Variants in MGAT4C observed in about 807,000 individuals in gnomAD.
The protein encoded by MGAT4C is alpha-1,3-mannosyl-glycoprotein 4-beta-N-acetylglucosaminyltransferase C.
MGAT4C carries 19 observed loss-of-function variants against 40.1 expected under a neutral mutation model. The observed-to-expected ratio is 0.47, with a 90% CI of 0.33 to 0.70. The LOEUF (loss-of-function observed/expected upper bound fraction) is 0.70. Among genes scored for constraint, MGAT4C ranks in the 30% least tolerant of loss-of-function variants. The probability of loss-of-function intolerance (pLI) is 0.02; values close to 1 mark genes in which losing one functional copy is unlikely to be tolerated. For missense variants in MGAT4C, 491 were observed against 563.2 expected (o/e 0.87, Z 1.30); for synonymous variants, 181 against 187.1 (o/e 0.97, Z 0.27).
chr12:85,970,312 T>C lies in MGAT4C; in HGVS notation c.*8977A>G, dbSNP rs150913416. 46 of 151,474 alleles carry C rather than the reference T, an allele frequency of 3.0e-4. No homozygotes were observed. Among genetic ancestry groups the C allele is most frequent in the African/African-American group, 1.0e-3 (42 of 41,498 alleles). 9.4% of individuals were successfully genotyped at this position (151,474 alleles called of 1,614,324 possible). A position where few individuals can be genotyped will look rare whatever the true frequency, so the allele number is the denominator to read the frequency against. ...AGTCTAGTAGATTGACAGGCAGTTT[T>C]ATTAAGAAATGAATCAAATGGTAAA... On this transcript the variant is annotated 3_prime_UTR_variant, in exon 5 of 5. Transcript: ENST00000611864.
chr12:86,680,095 A>C (rs1354135560), intron 2 of MGAT4C, among the ~76,000 whole-genome samples: 1 of 152,010 alleles, frequency 6.6e-6, no homozygotes, highest in African/African-American at 2.4e-5. Context: ...CCTAAAACAT[A>C]GTCTCCAATA....
At position 86,699,546 on chromosome 12, in the gene MGAT4C, T is replaced by C. The variant is rs1465209374; in HGVS notation, c.-229+27663A>G. Among the ~76,000 whole-genome samples the C allele has an allele frequency of 2.6e-5, 4 of 152,006 alleles. No homozygotes were observed. The East Asian group carries it at 7.7e-4, about 29-fold the overall frequency. ...GTTTGTGTGTGCACGCGCATGAGAT[T>C]GACCCTTGAACAACATGGGGGTAGG... On this transcript the variant is annotated intron_variant, in intron 2 of 7. Transcript: ENST00000548651.
At position 86,795,772 on chromosome 12, in the gene MGAT4C, A is replaced by G. The variant is rs563600662; in HGVS notation, c.-262+42894T>C. The stretch of plus-strand genomic sequence containing the variant: ...AACCTGTTCCAGGAATTATTTGTCT[A>G]GAAAAATTTGATGCCTACTTGCTCT... On this transcript the variant is annotated intron_variant, in intron 1 of 7. Transcript: ENST00000548651. Among the ~76,000 whole-genome samples the G allele has an allele frequency of 1.5e-3, 225 of 152,126 alleles. 1 individual carries two copies. Among genetic ancestry groups the G allele is most frequent in the Middle Eastern group, 6.8e-3 (2 of 294 alleles).
intron 2 of MGAT4C, among the ~76,000 whole-genome samples, chr12:86,463,229 T>G (rs1957628414): frequency 6.6e-6 from 1 of 152,154 alleles, no homozygotes; most frequent in Non-Finnish European, 1.5e-5. Flanking sequence ...TTAAAGAATT[T>G]CTTTAAAAAA....
chr12:86,095,094 T>C (rs1331684699), intron 1 of MGAT4C, among the ~76,000 whole-genome samples: 2 of 152,148 alleles, frequency 1.3e-5, no homozygotes, highest in Non-Finnish European at 2.9e-5. Flanking sequence ...ATTTTCTAGA[T>C]TTACATACTG....
intron 1 of MGAT4C, among the ~76,000 whole-genome samples, chr12:86,785,675 T>C (rs1208295068): frequency 6.6e-6 from 1 of 151,830 alleles, no homozygotes; most frequent in African/African-American, 2.4e-5. Flanking sequence ...CATTTCAGTG[T>C]TTTGATGTTA....
At chr12:86,164,477 A>C (rs912598332) in intron 1 of MGAT4C, among the ~76,000 whole-genome samples, 4 of 152,340 alleles carry the variant, frequency 2.6e-5, no homozygotes, top group Admixed American at 2.6e-4. Flanking sequence ...GTTGAGCAAT[A>C]ACACGTACAT....
chr12:86,779,512 G>A (rs749637914), intron 1 of MGAT4C, among the ~76,000 whole-genome samples: 180 of 152,120 alleles, frequency 1.2e-3, no homozygotes, highest in Non-Finnish European at 2.2e-3. Flanking sequence ...GGAGGTGAGA[G>A]GGTTGCCTGA....
chr12:86,790,518 G>A (rs1404144469), intron 1 of MGAT4C, among the ~76,000 whole-genome samples: 1 of 152,020 alleles, frequency 6.6e-6, no homozygotes, highest in Non-Finnish European at 1.5e-5. Context: ...CTCAGGCTTT[G>A]CAAAAAATAG....
At chr12:86,766,452 A>C (rs1284942262) in intron 1 of MGAT4C, among the ~76,000 whole-genome samples, 1 of 152,124 alleles carries the variant, frequency 6.6e-6, no homozygotes, top group Non-Finnish European at 1.5e-5. Context: ...AACATTAGAA[A>C]GATCAACGAG....
intron 2 of MGAT4C, among the ~76,000 whole-genome samples, chr12:86,495,491 A>G (rs956322203): frequency 2.0e-5 from 3 of 152,120 alleles, no homozygotes; most frequent in African/African-American, 7.2e-5. Flanking sequence ...TGCCATTCAC[A>G]TCTGCATTAT....
chr12:86,607,288 A>T (rs538638064), intron 2 of MGAT4C, among the ~76,000 whole-genome samples: 4 of 152,216 alleles, frequency 2.6e-5, no homozygotes, highest in African/African-American at 7.2e-5. Context: ...TATTAATACT[A>T]ATATTTGACC....
At chr12:86,315,684 G>T (rs936339608) in intron 4 of MGAT4C, among the ~76,000 whole-genome samples, 3 of 151,966 alleles carry the variant, frequency 2.0e-5, no homozygotes, top group African/African-American at 7.2e-5. Flanking sequence ...CCAGCCTGGG[G>T]GACAGGGCGA....
At chr12:86,751,433 T>C (rs1951230093) in intron 1 of MGAT4C, among the ~76,000 whole-genome samples, 1 of 151,688 alleles carries the variant, frequency 6.6e-6, no homozygotes, top group Admixed American at 6.6e-5. Flanking sequence ...AGATGTAAAA[T>C]TAGAACAAAA....
intron 1 of MGAT4C, among the ~76,000 whole-genome samples, chr12:86,767,045 AC>A (rs1951523215): frequency 6.6e-6 from 1 of 152,210 alleles, no homozygotes; most frequent in Admixed American, 6.5e-5. Context: ...AAATAAAGAC[AC>A]AAAAAACCCT....
At chr12:86,054,658 T>G (rs10779229) in intron 1 of MGAT4C, among the ~76,000 whole-genome samples, 121,944 of 151,730 alleles carry the variant, frequency 0.8, 49,690 homozygotes, top group East Asian at 0.97. Flanking sequence ...ACATCATGTT[T>G]TACAAGATAA....
intron 1 of MGAT4C, among the ~76,000 whole-genome samples, chr12:86,171,194 A>G (rs1436223214): frequency 6.6e-6 from 1 of 151,892 alleles, no homozygotes. Flanking sequence ...ACATAGAGAA[A>G]CCGTGTCTAT....
intron 4 of MGAT4C, among the ~76,000 whole-genome samples, chr12:86,265,521 C>G (rs1006519816): frequency 1.3e-5 from 2 of 152,136 alleles, no homozygotes; most frequent in African/African-American, 4.8e-5. Context: ...CATTGATTTA[C>G]GTGCCTGTTT....
At chr12:86,272,001 C>T (rs931224911) in intron 4 of MGAT4C, among the ~76,000 whole-genome samples, 1 of 151,964 alleles carries the variant, frequency 6.6e-6, no homozygotes, top group Non-Finnish European at 1.5e-5. Context: ...AAAGGTGAGT[C>T]AGGGAAGGGA....
Sources: gnomAD v4.1 joint callset for allele counts (sites outside exome capture counted in the v4.1 genomes callset) on GRCh38, gnomAD v4.1.1 for gene constraint, MANE v1.5 for transcripts, NCBI Gene and HGNC (gene_info 2026-07-23, HGNC 2026-07-21) for gene names.